The following GNS variants were observed in gnomAD, a reference collection of about 807,000 sequenced individuals.
GNS encodes the protein glucosamine (N-acetyl)-6-sulfatase.
Under a neutral mutation model 69.7 loss-of-function variants are expected in GNS, and 40 were observed. That is an observed-to-expected ratio of 0.57 (90% CI 0.45 to 0.75). The LOEUF (loss-of-function observed/expected upper bound fraction) is 0.75, where lower values mean the gene tolerates loss of function less well. Among genes scored for constraint, GNS ranks in the 30% least tolerant of loss-of-function variants. The pLI is 0.00. For synonymous variants in GNS, 243 were observed against 251.6 expected, an observed-to-expected ratio of 0.97 and a Z score of 0.32; for missense variants, 565 against 685.5, an observed-to-expected ratio of 0.82 and a Z score of 1.96.
rs577052291 is a variant in GNS at position 64,726,970 on chromosome 12, C to T, written c.1200+1986G>A. The stretch of plus-strand genomic sequence containing the variant: ...GCAAAGGATTGGAATATGAACACAT[C>T]TCCAAAGAAGCTATACAAATGGCTG... On this transcript the variant is annotated intron_variant, in intron 10 of 13. Coordinates refer to ENST00000258145, the MANE Select transcript of GNS (RefSeq NM_002076.4). 4.0e-5 allele frequency among the ~76,000 whole-genome samples: 6 copies of T among 151,464 alleles called. No individual in the cohort carries two copies. In the South Asian group the frequency reaches 1.2e-3, roughly 31 times the overall value.
chr12:64,716,408 G>A lies in GNS; in HGVS notation c.*333C>T. On this transcript the variant is annotated 3_prime_UTR_variant, in exon 14 of 14. Coordinates refer to ENST00000258145, the MANE Select transcript of GNS (RefSeq NM_002076.4). The stretch of plus-strand genomic sequence containing the variant: ...TAAAGTACTGCCATTTATCTGAATG[G>A]GTTTACAAATTCAGTCTTTAACCAC... 2.6e-6 allele frequency: 1 copy of A among 379,218 alleles called. No homozygotes were observed. The highest frequency in any genetic ancestry group is 5.9e-5 in the East Asian group (1 of 17,054). The allele number at this position is 379,218 out of a possible 1,614,324, so 23.5% of individuals were successfully genotyped here. A position where few individuals can be genotyped will look rare whatever the true frequency, so the allele number is the denominator to read the frequency against.
chr12:64,743,082 G>T, intron 6 of GNS, 59 bp downstream of exon 6: 1 of 1,296,028 alleles, frequency 7.7e-7, no homozygotes, highest in Non-Finnish European at 1.1e-6. Context: ...TTCCTGACAA[G>T]TATACCATAT....
intron 6 of GNS, among the ~76,000 whole-genome samples, chr12:64,741,206 CAA>C (rs574433285): frequency 4.7e-5 from 5 of 105,458 alleles, no homozygotes; most frequent in Non-Finnish European, 4.6e-5. Context: ...GACTCCGTCT[CAA>C]AAAAAAAAAA....
intron 1 of GNS, 180 bp from the exon 2 acceptor site, chr12:64,752,937 T>C (rs1018498384): frequency 1.6e-6 from 1 of 612,770 alleles, no homozygotes; most frequent in Non-Finnish European, 2.9e-6. Flanking sequence ...GCCAGCTCCA[T>C]CCTGTATAAA....
rs753238075 is a variant in GNS, at chr12:64,729,004, G to A, written c.1152C>T (p.Tyr384=). 32 of 1,604,298 alleles carry A rather than the reference G, an allele frequency of 2.0e-5. No individual in the cohort carries two copies. The highest frequency in any genetic ancestry group is 8.8e-5 in the South Asian group (8 of 90,864). The change falls in exon 10 of 14, where the codon TAC becomes TAT. Residue 384 remains tyrosine (Y), a synonymous_variant. Coordinates refer to ENST00000258145, the MANE Select transcript of GNS (RefSeq NM_002076.4). ...LGPTILDIAG[Y]DLNKTQMDGM... is the part of the protein sequence containing the mutation. ...CATCCATCTGTGTCTTATTTAGGTCGTAGCCAGCAATGTCCAAAATAGTAG... is the reference window on the plus strand; with the variant it reads ...CATCCATCTGTGTCTTATTTAGGTCATAGCCAGCAATGTCCAAAATAGTAG...
At position 64,749,234 on chromosome 12, in the gene GNS, C is replaced by T. The variant is rs996884385; in HGVS notation, c.253-1316G>A. Among the ~76,000 whole-genome samples the T allele has an allele frequency of 2.4e-4, 32 of 132,256 alleles. 1 individual carries two copies. The highest frequency in any genetic ancestry group is 7.6e-4 in the African/African-American group (27 of 35,306). 86.8% of individuals were successfully genotyped at this position (132,256 alleles called of 152,430 possible). On this transcript the variant is annotated intron_variant, in intron 2 of 13. Coordinates refer to ENST00000258145, the MANE Select transcript of GNS (RefSeq NM_002076.4). Reference sequence around the variant, plus strand: ...GATTACAGGCGTGAGCCACTGTGCCCGGCCTTGATTTGGCTTTTTTTTTTT... The same window carrying T: ...GATTACAGGCGTGAGCCACTGTGCCTGGCCTTGATTTGGCTTTTTTTTTTT...
intron 12 of GNS, among the ~76,000 whole-genome samples, chr12:64,721,069 G>A (rs566648655): frequency 6.6e-6 from 1 of 152,326 alleles, no homozygotes; most frequent in South Asian, 2.1e-4. Flanking sequence ...TGGGGCAGGT[G>A]AGCATATGCT....
At chr12:64,721,057 G>A (rs1869011775) in intron 12 of GNS, among the ~76,000 whole-genome samples, 2 of 152,222 alleles carry the variant, frequency 1.3e-5, no homozygotes, top group African/African-American at 4.8e-5. Flanking sequence ...AGGGTTGCCA[G>A]ATGGGGCAGG....
intron 9 of GNS, 81 bp downstream of exon 9, chr12:64,736,923 C>T: frequency 1.3e-6 from 1 of 796,888 alleles, no homozygotes; most frequent in South Asian, 1.4e-5. Context: ...GGAACCTAAC[C>T]AATCTTATCT....
chr12:64,720,330 C>A, intron 12 of GNS, 148 bp from the exon 13 acceptor site: 1 of 664,818 alleles, frequency 1.5e-6, no homozygotes, highest in Non-Finnish European at 2.7e-6. Flanking sequence ...AATCTGTTTT[C>A]AAGATCCTCA....
intron 1 of GNS, chr12:64,756,771 G>C (rs1187174557): frequency 1.9e-5 from 28 of 1,458,596 alleles, no homozygotes; most frequent in Non-Finnish European, 2.5e-5. Context: ...GCCTAGAAGA[G>C]AAGCCAGAAT....
chr12:64,754,695 T>C lies in GNS; in HGVS notation c.193-1938A>G, dbSNP rs561420252. On this transcript the variant is annotated intron_variant, in intron 1 of 13. Transcript: ENST00000258145. ...CTTGAGGCCAGGAGTTTGAGACCAG[T>C]CTGGGCAACACAGCAAGACCCTGGC... is the stretch of plus-strand genomic sequence containing the variant. 2.0e-5 allele frequency among the ~76,000 whole-genome samples: 3 copies of C among 151,988 alleles called. No individual in the cohort carries two copies. The East Asian group carries it at 5.8e-4, about 29-fold the overall frequency.
At chr12:64,753,698 G>T (rs1452905569) in intron 1 of GNS, among the ~76,000 whole-genome samples, 1 of 152,140 alleles carries the variant, frequency 6.6e-6, no homozygotes, top group African/African-American at 2.4e-5. Flanking sequence ...ATGTATAAAT[G>T]ACTTTTCCCC....
At chr12:64,735,151 T>C (rs924572063) in intron 9 of GNS, among the ~76,000 whole-genome samples, 1 of 152,160 alleles carries the variant, frequency 6.6e-6, no homozygotes, top group African/African-American at 2.4e-5. Context: ...CTTGTTTGAT[T>C]GCTCCTTGCC....
chr12:64,731,063 G>C (rs1037527867), intron 9 of GNS, among the ~76,000 whole-genome samples: 1 of 152,106 alleles, frequency 6.6e-6, no homozygotes, highest in African/African-American at 2.4e-5. Context: ...TGGTGAGGTG[G>C]GGGGAAGCTC....
Position 64,745,666 on chromosome 12 carries a change from T to A in GNS, c.518A>T (p.Tyr173Phe), listed in dbSNP as rs192807123. The change falls in exon 4 of 14, where the codon TAT becomes TTT. Residue 173 changes from tyrosine to phenylalanine, a missense_variant. By Grantham distance (22) the Tyr-to-Phe change is conservative. This residue lies in a region of GNS where 384 missense variants were observed against 511.0 expected (regional missense o/e 0.75). Transcript: ENST00000258145. The stretch of plus-strand genomic sequence containing the variant: ...ACTTCAATAATCACTCACCAAGGCA[T>A]ACCAGTAACTCCAACCCAGAGGAAC... ...EHVPLGWSYW[Y>F]ALEKNSKYYN... 1 of 1,588,848 alleles carries A rather than the reference T, an allele frequency of 6.3e-7. No homozygotes were observed. Among genetic ancestry groups the A allele is most frequent in the Non-Finnish European group, 8.6e-7 (1 of 1,157,038 alleles).
chr12:64,722,660 C>T (rs1045591897), intron 11 of GNS, among the ~76,000 whole-genome samples: 1 of 152,152 alleles, frequency 6.6e-6, no homozygotes, highest in African/African-American at 2.4e-5. Context: ...AGGCAGGAAC[C>T]ACATCTCTCT....
intron 13 of GNS, among the ~76,000 whole-genome samples, chr12:64,717,024 GCAAGT>G (rs1868883862): frequency 6.6e-6 from 1 of 152,184 alleles, no homozygotes; most frequent in Non-Finnish European, 1.5e-5. Context: ...GTCACACAGT[GCAAGT>G]CAAGAGGAGA....
intron 9 of GNS, 140 bp downstream of exon 9, chr12:64,736,864 C>A (rs921141954): frequency 4.6e-6 from 3 of 658,278 alleles, no homozygotes; most frequent in Non-Finnish European, 8.2e-6. Context: ...AAAAAGCAAT[C>A]ATTGTTTCCA....
Sources: gnomAD v4.1 joint callset for allele counts (sites outside exome capture counted in the v4.1 genomes callset) on GRCh38, gnomAD v4.1.1 for gene constraint, gnomAD v4.1.1 regional missense constraint, MANE v1.5 for transcripts, NCBI Gene and HGNC (gene_info 2026-07-23, HGNC 2026-07-21) for gene names.